The following NGLY1 variants were observed in gnomAD, a reference collection of about 807,000 sequenced individuals.
NGLY1 encodes the protein peptide-N(4)-(N-acetyl-beta-glucosaminyl)asparagine amidase.
NGLY1 carries 68 observed loss-of-function variants against 84.6 expected under a neutral mutation model. The ratio of observed to expected loss-of-function variants is 0.80; its 90% CI spans 0.66 to 0.98. The LOEUF (loss-of-function observed/expected upper bound fraction) is 0.98. Among genes scored for constraint, NGLY1 ranks in the 50% least tolerant of loss-of-function variants. The pLI is 0.00. For synonymous variants in NGLY1, 280 were observed against 275.2 expected (o/e 1.02, Z -0.17); for missense variants, 779 against 770.2 (o/e 1.01, Z -0.14).
At chr3:25,780,263 T>C (rs1341840453) in intron 1 of NGLY1, among the ~76,000 whole-genome samples, 1 of 152,228 alleles carries the variant, frequency 6.6e-6, no homozygotes, top group Non-Finnish European at 1.5e-5. Flanking sequence ...CCTTGTGCAC[T>C]GCAGAACATT....
At chr3:25,756,964 A>C (rs529661144) in intron 3 of NGLY1, among the ~76,000 whole-genome samples, 4 of 152,378 alleles carry the variant, frequency 2.6e-5, no homozygotes, top group Admixed American at 2.6e-4. Flanking sequence ...GCTTTCGAGA[A>C]TATAAACAGA....
intron 11 of NGLY1, among the ~76,000 whole-genome samples, 168 bp downstream of exon 11, chr3:25,719,846 C>A (rs1043980728): frequency 6.6e-6 from 1 of 151,078 alleles, no homozygotes; most frequent in Non-Finnish European, 1.5e-5. Flanking sequence ...AAACATCAGC[C>A]TTTCTGTTAC....
chr3:25,788,718 TACTC>T (rs1404725490), intron 1 of NGLY1, among the ~76,000 whole-genome samples: 1 of 152,244 alleles, frequency 6.6e-6, no homozygotes, highest in East Asian at 1.9e-4. Flanking sequence ...TTTAGGTACT[TACTC>T]ATCAAGTGTT....
chr3:25,783,596 AGGGGCGGGGTCGGGGGCCT>A (rs1342756245), upstream of NGLY1: 476 of 35,472 alleles, frequency 0.013, 17 homozygotes, highest in Middle Eastern at 0.023. This position sits in a 1 kb window ranked among gnomAD's most constrained non-coding sequence, Gnocchi z 4.5. Context: ...TTCGGCCGGC[AGGGGCGGGGTCGGGGGCCT>A]GGGGCGGGGT....
intron 3 of NGLY1, chr3:25,755,134 T>C (rs1706973794): frequency 1.5e-6 from 2 of 1,299,672 alleles, no homozygotes; most frequent in Non-Finnish European, 2.2e-6. Flanking sequence ...ATGCAGATGA[T>C]GTGAGACTGG....
Position 25,733,964 on chromosome 3 carries a change from G to A in NGLY1, c.1168C>T (p.Arg390Ter), listed in dbSNP as rs751805500. ...ACCTCTTCATGTTTGCAGGAATATCGCCAAGTGACATCAACTACCTGAAAC... is the reference window on the plus strand; with the variant it reads ...ACCTCTTCATGTTTGCAGGAATATCACCAAGTGACATCAACTACCTGAAAC... The part of the protein sequence containing the change: ...SKDEVVDVTW[R>*]YSCKHEEVIA... Residue 390 changes from arginine to a stop codon, truncating the protein, a stop_gained, in exon 8 of 12, where the codon CGA (arginine) becomes TGA (stop). Transcript: ENST00000280700. LOFTEE classifies it high-confidence loss of function. 3.7e-6 allele frequency: 6 copies of A among 1,613,028 alleles called. No individual in the cohort carries two copies. The highest frequency in any genetic ancestry group is 5.1e-6 in the Non-Finnish European group (6 of 1,179,524).
intron 2 of NGLY1, among the ~76,000 whole-genome samples, chr3:25,775,737 A>T (rs191944293): frequency 6.6e-6 from 1 of 152,330 alleles, no homozygotes; most frequent in East Asian, 1.9e-4. Flanking sequence ...GTTAATGGGC[A>T]CAAAATTACA....
chr3:25,736,492 G>C, intron 6 of NGLY1: 2 of 964,084 alleles, frequency 2.1e-6, no homozygotes, highest in East Asian at 2.6e-5. Context: ...TGAAACTACA[G>C]TCTCTCTCTC....
chr3:25,732,182 A>T, intron 9 of NGLY1, 137 bp downstream of exon 9: 1 of 692,948 alleles, frequency 1.4e-6, no homozygotes. Context: ...GTTCTCTTCA[A>T]ATGTTTGCAT....
At position 25,719,506 on chromosome 3, in the gene NGLY1, T is replaced by C. The variant is rs1190662109; in HGVS notation, c.1919A>G (p.His640Arg). The C allele has an allele frequency of 1.9e-6, 3 of 1,614,030 alleles. No individual in the cohort carries two copies. The change falls in exon 12 of 12, where the codon CAT becomes CGT. Residue 640 changes from histidine to arginine, a missense_variant. By Grantham distance (29) the His-to-Arg change is conservative. Transcript: ENST00000280700. ...TQLFRQSLND[H>R]EENCLEIIIK... ...AATTATCTCCAAACAATTTTCTTCA[T>C]GGTCATTTAAGCTTTGTCTAAACAG...
At chr3:25,742,655 T>C (rs1405442419) in intron 4 of NGLY1, among the ~76,000 whole-genome samples, 2 of 152,098 alleles carry the variant, frequency 1.3e-5, no homozygotes, top group East Asian at 3.9e-4. Context: ...TCATTCTCCT[T>C]CTCAGTCTAG....
At chr3:25,736,369 G>T in intron 6 of NGLY1, 1 of 1,551,190 alleles carries the variant, frequency 6.4e-7, no homozygotes, top group Non-Finnish European at 8.7e-7. Context: ...CCTTTAACGT[G>T]GTCAGTTTTA....
intron 3 of NGLY1, among the ~76,000 whole-genome samples, chr3:25,760,901 A>G (rs1707292925): frequency 2.9e-5 from 1 of 34,762 alleles, no homozygotes; most frequent in African/African-American, 5.7e-5. Context: ...AAAAAAAAAA[A>G]AAAAAAAAAA....
intron 4 of NGLY1, among the ~76,000 whole-genome samples, chr3:25,744,238 T>C (rs796563513): frequency 6.6e-6 from 1 of 152,212 alleles, no homozygotes; most frequent in Non-Finnish European, 1.5e-5. Context: ...TACAATTTAG[T>C]AGGCCAAGAT....
At position 25,783,422 on chromosome 3, in the gene NGLY1, C is replaced by G. The variant is rs1163427385; in HGVS notation, c.-32G>C. On this transcript the variant is annotated 5_prime_UTR_variant, in exon 1 of 12. Transcript: ENST00000280700. This position sits in a 1 kb window ranked among gnomAD's most constrained non-coding sequence, Gnocchi z 4.5. ...GCGCCAGCGGGCGCCGCCGCCGCCC[C>G]TCGCTCTCCGCGTCCCACACTGAGC... The G allele has an allele frequency of 9.2e-6, 14 of 1,517,542 alleles. No individual in the cohort carries two copies. Among genetic ancestry groups the G allele is most frequent in the Non-Finnish European group, 1.2e-5 (14 of 1,133,968 alleles). 94.0% of individuals were successfully genotyped at this position (1,517,542 alleles called of 1,614,324 possible).
intron 9 of NGLY1, among the ~76,000 whole-genome samples, chr3:25,730,933 CT>C (rs1705506362): frequency 6.6e-6 from 1 of 152,094 alleles, no homozygotes; most frequent in Non-Finnish European, 1.5e-5. Context: ...AGTGACTCAA[CT>C]TTAGCTCCCT....
chr3:25,783,250 TG>T lies in NGLY1; in HGVS notation c.131+9del. 1 of 1,608,374 alleles carries T rather than the reference TG, an allele frequency of 6.2e-7. No individual in the cohort carries two copies. Among genetic ancestry groups the T allele is most frequent in the Non-Finnish European group, 8.5e-7 (1 of 1,177,122 alleles). ...CCCGGTACCCGCCGTCCGACCCCGT[TG>T]CCCTGCACCTGAGGATGTTGTCAGC... On this transcript the variant is annotated intron_variant, in intron 1 of 11. Transcript: ENST00000280700. The surrounding 1 kb of genome is among the most constrained non-coding windows in gnomAD (Gnocchi z 4.5).
intron 3 of NGLY1, among the ~76,000 whole-genome samples, chr3:25,760,854 C>A (rs1707287031): frequency 8.6e-6 from 1 of 116,890 alleles, no homozygotes; most frequent in Non-Finnish European, 1.6e-5. Context: ...GAGTGAAACT[C>A]TGTCTCAAAA....
intron 1 of NGLY1, among the ~76,000 whole-genome samples, chr3:25,779,727 T>C (rs1165529157): frequency 6.6e-6 from 1 of 152,270 alleles, no homozygotes; most frequent in African/African-American, 2.4e-5. Context: ...TTTAATTTTA[T>C]AAGTTTTAAC....
Sources: allele counts gnomAD v4.1 joint callset (sites outside exome capture counted in the v4.1 genomes callset), GRCh38; gene constraint gnomAD v4.1.1; non-coding constraint Gnocchi (gnomAD v3.1); transcripts MANE v1.5; gene names NCBI Gene and HGNC (gene_info 2026-07-23, HGNC 2026-07-21).